The following KCNQ1 variants were observed in gnomAD, a reference collection of about 807,000 sequenced individuals.
The protein encoded by KCNQ1 is potassium voltage-gated channel subfamily Q member 1.
In KCNQ1, 49 loss-of-function variants were observed where a neutral mutation model predicts 72.4. That is an observed-to-expected ratio of 0.68 (90% CI 0.54 to 0.86). The LOEUF (loss-of-function observed/expected upper bound fraction) is 0.86. Among genes scored for constraint, KCNQ1 ranks in the 40% least tolerant of loss-of-function variants. The pLI is 0.00. For missense variants in KCNQ1, 790 were observed against 945.1 expected (o/e 0.84, Z 2.15); for synonymous variants, 450 against 412.6 (o/e 1.09, Z -1.10).
chr11:2,722,286 G>A (rs1365503439), intron 11 of KCNQ1, among the ~76,000 whole-genome samples: 1 of 152,154 alleles, frequency 6.6e-6, no homozygotes, highest in Non-Finnish European at 1.5e-5. Context: ...AGATAGGAAA[G>A]GACTATGGGA....
In KCNQ1 at chr11:2,593,676, G is replaced by A. The variant is rs1848698699; in HGVS notation, c.1393+4822G>A. Among the ~76,000 whole-genome samples, 4 of 152,158 alleles carry A rather than the reference G, an allele frequency of 2.6e-5. No individual in the cohort carries two copies. Among genetic ancestry groups the A allele is most frequent in the Admixed American group, 2.6e-4 (4 of 15,286 alleles). On this transcript the variant is annotated intron_variant, in intron 10 of 15. Coordinates refer to ENST00000155840, the MANE Select transcript of KCNQ1 (RefSeq NM_000218.3). This position sits in a 1 kb window ranked among gnomAD's most constrained non-coding sequence, Gnocchi z 6.9. The stretch of plus-strand genomic sequence containing the variant: ...ACACTCGTGTGTGTGCTTTCTGGAG[G>A]CATGCGTCATGGAACAGCCTCACCT...
chr11:2,738,666 TGG>T (rs1564877227), intron 11 of KCNQ1, among the ~76,000 whole-genome samples: 1 of 152,172 alleles, frequency 6.6e-6, no homozygotes, highest in Non-Finnish European at 1.5e-5. Flanking sequence ...GTGCGGTTCC[TGG>T]GTGTTCAGGG....
chr11:2,749,215 T>G (rs1480695349), intron 11 of KCNQ1, among the ~76,000 whole-genome samples: 1 of 152,094 alleles, frequency 6.6e-6, no homozygotes, highest in Non-Finnish European at 1.5e-5. Flanking sequence ...GATGAGAGGA[T>G]GCCATGATTT....
intron 2 of KCNQ1, among the ~76,000 whole-genome samples, chr11:2,546,630 TA>T (rs1847905800): frequency 6.6e-6 from 1 of 150,986 alleles, no homozygotes; most frequent in Non-Finnish European, 1.5e-5. Context: ...TTGTTTAATG[TA>T]TTTTATTTTT....
rs191419678 is a variant in KCNQ1, at chr11:2,663,139, C to G, written c.1514+1058C>G. ...AGGGGTAATTATGATCAGACAGGACCTGCCCACTGTCTTTCCAGGCCCCCC... is the reference window on the plus strand; with the variant it reads ...AGGGGTAATTATGATCAGACAGGACGTGCCCACTGTCTTTCCAGGCCCCCC... On this transcript the variant is annotated intron_variant, in intron 11 of 15. Transcript: ENST00000155840. This position sits in a 1 kb window ranked among gnomAD's most constrained non-coding sequence, Gnocchi z 5.2. 154 of 398,716 alleles carry G rather than the reference C, an allele frequency of 3.9e-4. No individual in the cohort carries two copies. The highest frequency in any genetic ancestry group is 3.1e-3 in the African/African-American group (151 of 48,736). The allele number at this position is 398,716 out of a possible 1,614,324, so 24.7% of individuals were successfully genotyped here.
At chr11:2,778,075 C>T (rs755472481) in intron 15 of KCNQ1, 38 bp downstream of exon 15, 5 of 1,596,144 alleles carry the variant, frequency 3.1e-6, no homozygotes, top group African/African-American at 1.3e-5. Context: ...TTCTGGTTAG[C>T]GTCCTGGGGC....
At position 2,537,548 on chromosome 11, in the gene KCNQ1, T is replaced by C. The variant is rs1847753104; in HGVS notation, c.477+9530T>C. Among the ~76,000 whole-genome samples, 1 of 151,998 alleles carries C rather than the reference T, an allele frequency of 6.6e-6. No homozygotes were observed. Among genetic ancestry groups the C allele is most frequent in the Admixed American group, 6.5e-5 (1 of 15,282 alleles). Reference sequence around the variant, plus strand: ...TTGGTTCCACAGTCTGTGTCTTTCTTCCTGGGTGTCTGAATTTTGATTTAA... The same window carrying C: ...TTGGTTCCACAGTCTGTGTCTTTCTCCCTGGGTGTCTGAATTTTGATTTAA... On this transcript the variant is annotated intron_variant, in intron 2 of 15. Transcript: ENST00000155840. This position sits in a 1 kb window ranked among gnomAD's most constrained non-coding sequence, Gnocchi z 5.2.
chr11:2,596,571 T>A, intron 10 of KCNQ1, among the ~76,000 whole-genome samples: 1 of 150,860 alleles, frequency 6.6e-6, no homozygotes, highest in Non-Finnish European at 1.5e-5. Context: ...ATAATTATGG[T>A]GAGTGAAAGA....
intron 10 of KCNQ1, chr11:2,639,896 C>G (rs998498718): frequency 1.3e-5 from 2 of 153,636 alleles, no homozygotes; most frequent in Non-Finnish European, 2.9e-5. Flanking sequence ...TTTACCTACT[C>G]AAGCCTCAGC....
intron 15 of KCNQ1, among the ~76,000 whole-genome samples, chr11:2,814,305 A>C (rs897885943): frequency 2.8e-5 from 4 of 140,720 alleles, no homozygotes; most frequent in African/African-American, 1.1e-4. Flanking sequence ...ATGGATGGAT[A>C]GATGGATGGA....
intron 10 of KCNQ1, among the ~76,000 whole-genome samples, chr11:2,596,868 A>G (rs1163745546): frequency 6.6e-6 from 1 of 151,462 alleles, no homozygotes; most frequent in Admixed American, 6.6e-5. Context: ...AAAACTGTTT[A>G]TAATATATAA....
chr11:2,823,646 A>G (rs978325182), intron 15 of KCNQ1, among the ~76,000 whole-genome samples: 7 of 152,206 alleles, frequency 4.6e-5, no homozygotes, highest in African/African-American at 1.4e-4. Context: ...AGGAAGAGAA[A>G]ATAGGTGGGA....
chr11:2,619,904 T>A lies in KCNQ1; in HGVS notation c.1393+31050T>A, dbSNP rs1361898910. ...GAGGGTATATGTACAGGTCTATATG[T>A]TGCATGGTATATGGAGTATACTGCA... On this transcript the variant is annotated intron_variant, in intron 10 of 15. Coordinates refer to ENST00000155840, the MANE Select transcript of KCNQ1 (RefSeq NM_000218.3). The A allele has an allele frequency of 6.3e-5, 25 of 398,338 alleles. No homozygotes were observed. The East Asian group carries it at 8.9e-4, about 14-fold the overall frequency. 24.7% of individuals were successfully genotyped at this position (398,338 alleles called of 1,614,324 possible). A position where few individuals can be genotyped will look rare whatever the true frequency, so the allele number is the denominator to read the frequency against.
At position 2,847,797 on chromosome 11, in the gene KCNQ1, ATCACCGACATGCT is replaced by A; in HGVS notation, c.1831_1843del (p.Asp611SerfsTer51). 6.4e-7 allele frequency: 1 copy of A among 1,571,678 alleles called. No homozygotes were observed. On this transcript the variant is annotated frameshift_variant, in exon 16 of 16. Transcript: ENST00000155840. LOFTEE classifies it low-confidence loss of function (END_TRUNC). Reference sequence around the variant, plus strand: ...GCAGCTGGACCAGAGGCTGGCACTCATCACCGACATGCTTCACCAGCTGCTCTCCTTGCACGGT... The same window carrying A: ...GCAGCTGGACCAGAGGCTGGCACTCATCACCAGCTGCTCTCCTTGCACGGT...
At chr11:2,514,442 A>ACAG (rs1847256584) in intron 1 of KCNQ1, among the ~76,000 whole-genome samples, 1 of 152,238 alleles carries the variant, frequency 6.6e-6, no homozygotes, top group African/African-American at 2.4e-5. Context: ...AGGAGGCCAC[A>ACAG]CAGCAGCTCC....
At chr11:2,524,215 C>T (rs753736982) in intron 1 of KCNQ1, among the ~76,000 whole-genome samples, 11 of 152,152 alleles carry the variant, frequency 7.2e-5, no homozygotes, top group Non-Finnish European at 1.0e-4. Flanking sequence ...TGCTGTGCCA[C>T]CCTCACCGCA....
Position 2,690,594 on chromosome 11 carries a change from G to A in KCNQ1, c.1514+28513G>A, listed in dbSNP as rs1590034973. 2.5e-6 allele frequency: 1 copy of A among 398,702 alleles called. No individual in the cohort carries two copies. The highest frequency in any genetic ancestry group is 3.6e-5 in the East Asian group (1 of 28,080). 24.7% of individuals were successfully genotyped at this position (398,702 alleles called of 1,614,324 possible). A position where few individuals can be genotyped will look rare whatever the true frequency, so the allele number is the denominator to read the frequency against. On this transcript the variant is annotated intron_variant, in intron 11 of 15. Transcript: ENST00000155840. This position sits in a 1 kb window ranked among gnomAD's most constrained non-coding sequence, Gnocchi z 5.1. ...GGGACAGAACCCACCTCCTGGCAGGGAGTGGGGCACACATATGTGCATGTT... is the reference window on the plus strand; with the variant it reads ...GGGACAGAACCCACCTCCTGGCAGGAAGTGGGGCACACATATGTGCATGTT...
rs1193183390 is a variant in KCNQ1, at chr11:2,536,795, A to C, written c.477+8777A>C. Among the ~76,000 whole-genome samples the C allele has an allele frequency of 6.6e-6, 1 of 151,218 alleles. No individual in the cohort carries two copies. The highest frequency in any genetic ancestry group is 1.5e-5 in the Non-Finnish European group (1 of 68,012). ...CCAGGCTGGGCGGCTTAAACCGTGG[A>C]GGTCGCCCTCTCACAGCTCTGGACG... On this transcript the variant is annotated intron_variant, in intron 2 of 15. Coordinates refer to ENST00000155840, the MANE Select transcript of KCNQ1 (RefSeq NM_000218.3). The surrounding 1 kb of genome is among the most constrained non-coding windows in gnomAD (Gnocchi z 7.4).
Position 2,642,784 on chromosome 11 carries a change from T to A in KCNQ1, c.1394-19177T>A, listed in dbSNP as rs1191225961. ...TATTTAAGATCTTTTCTACCTTTTTTAATGGAGGCATTTATTACAATAAAC... is the reference window on the plus strand; with the variant it reads ...TATTTAAGATCTTTTCTACCTTTTTAAATGGAGGCATTTATTACAATAAAC... On this transcript the variant is annotated intron_variant, in intron 10 of 15. Coordinates refer to ENST00000155840, the MANE Select transcript of KCNQ1 (RefSeq NM_000218.3). The surrounding 1 kb of genome is among the most constrained non-coding windows in gnomAD (Gnocchi z 4.3). The A allele has an allele frequency of 7.5e-6, 3 of 397,786 alleles. No individual in the cohort carries two copies. The East Asian group carries it at 1.1e-4, about 14-fold the overall frequency. The allele number at this position is 397,786 out of a possible 1,614,324, so 24.6% of individuals were successfully genotyped here.
Sources: gnomAD v4.1 joint callset for allele counts (sites outside exome capture counted in the v4.1 genomes callset) on GRCh38, gnomAD v4.1.1 for gene constraint, Gnocchi (gnomAD v3.1) non-coding constraint, MANE v1.5 for transcripts, NCBI Gene and HGNC (gene_info 2026-07-23, HGNC 2026-07-21) for gene names.